The following SLC19A1 variants were observed in gnomAD, a reference collection of about 807,000 sequenced individuals.
SLC19A1 encodes the protein solute carrier family 19 member 1, also known as reduced folate transporter.
In SLC19A1, 37 loss-of-function variants were observed where a neutral mutation model predicts 35.3. That is an observed-to-expected ratio of 1.05 (90% CI 0.81 to 1.38). The LOEUF (loss-of-function observed/expected upper bound fraction) is 1.38, where lower values mean the gene tolerates loss of function less well. Ranked by LOEUF, SLC19A1 falls within the 40% of genes most tolerant of loss-of-function variation. The probability of loss-of-function intolerance (pLI) is 0.00; values close to 1 mark genes in which losing one functional copy is unlikely to be tolerated. For synonymous variants in SLC19A1, 460 were observed against 398.5 expected (o/e 1.15, Z -1.84); for missense variants, 831 against 826.9 (o/e 1.00, Z -0.06).
At chr21:45,560,538 T>TCCC (rs2078605795) in intron 1 of SLC19A1, among the ~76,000 whole-genome samples, 6 of 123,646 alleles carry the variant, frequency 4.9e-5, no homozygotes, top group African/African-American at 9.7e-5. Context: ...ACTGGCACCA[T>TCCC]GGTAGGAAGC....
chr21:45,541,424 C>T (rs1195150048), intron 1 of SLC19A1, among the ~76,000 whole-genome samples: 1 of 152,240 alleles, frequency 6.6e-6, no homozygotes, highest in African/African-American at 2.4e-5. Context: ...TACAGGGCGG[C>T]CAACAGGCGC....
In SLC19A1 at chr21:45,504,484, C is replaced by T. The variant is rs1235895404; in HGVS notation, c.498-5872G>A. 1.3e-5 allele frequency: 20 copies of T among 1,599,284 alleles called. No homozygotes were observed. The highest frequency in any genetic ancestry group is 1.0e-4 in the Admixed American group (6 of 58,660). On this transcript the variant is annotated intron_variant, in intron 3 of 4. Coordinates refer to the SLC19A1 transcript ENST00000417954. ...GGGGGGAGCCCGGGGGCGGCGGTTT[C>T]TTCGGCTCCAGCCTGCCCGGCCCCC... is the stretch of plus-strand genomic sequence containing the variant.
At chr21:45,543,414 T>C (rs2078370148), upstream of SLC19A1, among the ~76,000 whole-genome samples, 2 of 152,204 alleles carry the variant, frequency 1.3e-5, no homozygotes, top group Non-Finnish European at 2.9e-5. Flanking sequence ...ACGGCCACCG[T>C]GGTACCCACA....
At position 45,533,771 on chromosome 21, in the gene SLC19A1, G is replaced by A. The variant is rs772867090; in HGVS notation, c.190-1623C>T. ...GCAGGACCAAACCCTGGGTCAGCACGTGGGGTGCTGCGCCGAGCCACGCCG... is the reference window on the plus strand; with the variant it reads ...GCAGGACCAAACCCTGGGTCAGCACATGGGGTGCTGCGCCGAGCCACGCCG... On this transcript the variant is annotated intron_variant, in intron 2 of 5. Transcript: ENST00000311124. The surrounding 1 kb of genome is among the most constrained non-coding windows in gnomAD (Gnocchi z 4.5). Among the ~76,000 whole-genome samples, 9 of 152,232 alleles carry A rather than the reference G, an allele frequency of 5.9e-5. No homozygotes were observed. Among genetic ancestry groups the A allele is most frequent in the South Asian group, 2.1e-4 (1 of 4,828 alleles).
At chr21:45,511,172 C>T (rs552849724), downstream of SLC19A1, 65 of 1,601,788 alleles carry the variant, frequency 4.1e-5, 1 homozygote, top group East Asian at 1.2e-3. Flanking sequence ...CCGCTGAAGC[C>T]CGGGGCACGC....
rs370931823 is a variant in SLC19A1, at chr21:45,516,001, T to G, written c.1433A>C (p.Glu478Ala). The G allele has an allele frequency of 2.3e-5, 36 of 1,568,966 alleles. 1 individual carries two copies. The African/African-American group carries it at 4.8e-4, about 21-fold the overall frequency. The change falls in exon 6 of 6, where the codon GAG becomes GCG. Residue 478 changes from glutamate to alanine, a missense_variant. By Grantham distance (107) the Glu-to-Ala change is moderately radical. Transcript: ENST00000311124. ...CACGCTCAGTGCCTGTGCTGCCTTC[T>G]CCTCCGCGGCACTCCTCAGGCCCTG... is the stretch of plus-strand genomic sequence containing the variant. ...PAQGLRSAAEEKAAQALSVQD... is the reference protein window; with the variant it reads ...PAQGLRSAAEAKAAQALSVQD...
Position 45,530,983 on chromosome 21 carries a change from G to C in SLC19A1, c.950-12C>G. 2 of 1,441,992 alleles carry C rather than the reference G, an allele frequency of 1.4e-6. No individual in the cohort carries two copies. The highest frequency in any genetic ancestry group is 1.8e-6 in the Non-Finnish European group (2 of 1,101,464). 89.3% of individuals were successfully genotyped at this position (1,441,992 alleles called of 1,614,324 possible). A position where few individuals can be genotyped will look rare whatever the true frequency, so the allele number is the denominator to read the frequency against. On this transcript the variant is annotated splice_polypyrimidine_tract_variant and intron_variant, in intron 3 of 5. Transcript: ENST00000311124. The surrounding 1 kb of genome is among the most constrained non-coding windows in gnomAD (Gnocchi z 5.3). ...GGACGTGATGGCGCCTGAGAGGGGAGGGATGGGGCGTTGCAGCGGCCCTGG... is the reference window on the plus strand; with the variant it reads ...GGACGTGATGGCGCCTGAGAGGGGACGGATGGGGCGTTGCAGCGGCCCTGG...
chr21:45,529,589 C>G (rs969580608), intron 4 of SLC19A1, among the ~76,000 whole-genome samples: 30 of 144,596 alleles, frequency 2.1e-4, no homozygotes, highest in African/African-American at 7.3e-4. Context: ...GTGTGGGTGT[C>G]TCCATGTGTG....
At chr21:45,522,329 A>G (rs1185430512) in intron 5 of SLC19A1, among the ~76,000 whole-genome samples, 1 of 152,176 alleles carries the variant, frequency 6.6e-6, no homozygotes, top group Non-Finnish European at 1.5e-5. Context: ...CAAAATAAAA[A>G]CTAGTGGCAA....
chr21:45,543,421 C>A (rs1256904523), upstream of SLC19A1, among the ~76,000 whole-genome samples: 3 of 152,232 alleles, frequency 2.0e-5, no homozygotes, highest in African/African-American at 7.2e-5. Flanking sequence ...CCGTGGTACC[C>A]ACAGCTCAAG....
Position 45,514,745 on chromosome 21 carries a change from A to C in SLC19A1, c.*913T>G. 2.2e-6 allele frequency: 1 copy of C among 461,504 alleles called. No individual in the cohort carries two copies. The highest frequency in any genetic ancestry group is 3.8e-6 in the Non-Finnish European group (1 of 264,186). The allele number at this position is 461,504 out of a possible 1,614,324, so 28.6% of individuals were successfully genotyped here. A position where few individuals can be genotyped will look rare whatever the true frequency, so the allele number is the denominator to read the frequency against. On this transcript the variant is annotated 3_prime_UTR_variant, in exon 6 of 6. Coordinates refer to ENST00000311124, the MANE Select transcript of SLC19A1 (RefSeq NM_194255.4). ...TTAAGTGTGTTTAATGTATGTGGGA[A>C]GAGTATTCACATCACATCAGATGGT...
Position 45,530,977 on chromosome 21 carries a change from A to T in SLC19A1, c.950-6T>A. On this transcript the variant is annotated splice_polypyrimidine_tract_variant and splice_region_variant and intron_variant, in intron 3 of 5. Coordinates refer to ENST00000311124, the MANE Select transcript of SLC19A1 (RefSeq NM_194255.4). The surrounding 1 kb of genome is among the most constrained non-coding windows in gnomAD (Gnocchi z 5.3). ...GGCGAAGGACGTGATGGCGCCTGAG[A>T]GGGGAGGGATGGGGCGTTGCAGCGG... 5 of 1,051,348 alleles carry T rather than the reference A, an allele frequency of 4.8e-6. No homozygotes were observed. Among genetic ancestry groups the T allele is most frequent in the East Asian group, 8.4e-5 (1 of 11,960 alleles). 65.1% of individuals were successfully genotyped at this position (1,051,348 alleles called of 1,614,324 possible).
chr21:45,507,637 A>T, downstream of SLC19A1: 3 of 1,571,590 alleles, frequency 1.9e-6, no homozygotes, highest in Non-Finnish European at 2.6e-6. Context: ...TGGTCAGGAC[A>T]TGAGGGGGTA....
At chr21:45,561,752 C>T (rs570312116) in intron 1 of SLC19A1, among the ~76,000 whole-genome samples, 153 of 150,444 alleles carry the variant, frequency 1.0e-3, no homozygotes, top group African/African-American at 3.6e-3. Context: ...CACAGCGAGA[C>T]TCCATCTCAA....
At chr21:45,537,719 T>TGGGGGGGGCCCCC in intron 2 of SLC19A1, 52 bp downstream of exon 2, 2 of 319,776 alleles carry the variant, frequency 6.3e-6, no homozygotes, top group Non-Finnish European at 1.1e-5. Flanking sequence ...CAGACGCTGC[T>TGGGGGGGGCCCCC]CCCCGCCCAC....
At chr21:45,522,098 C>G (rs9979328) in intron 5 of SLC19A1, among the ~76,000 whole-genome samples, 1,593 of 152,050 alleles carry the variant, frequency 0.01, 22 homozygotes, top group African/African-American at 0.034. Context: ...GGACTAATAT[C>G]TGGAATACAC....
chr21:45,553,623 ATCCCCCC>A (rs2078489998), intron 1 of SLC19A1, among the ~76,000 whole-genome samples: 1 of 72,778 alleles, frequency 1.4e-5, no homozygotes, highest in Admixed American at 1.4e-4. Flanking sequence ...CTCACCCCCA[ATCCCCCC>A]GCGCCCCCCT....
chr21:45,556,830 T>C (rs189054907), intron 1 of SLC19A1, among the ~76,000 whole-genome samples: 1 of 151,914 alleles, frequency 6.6e-6, no homozygotes, highest in East Asian at 1.9e-4. Context: ...GGCATGGGAG[T>C]CCTGTGGCCG....
intron 1 of SLC19A1, among the ~76,000 whole-genome samples, chr21:45,541,175 T>G (rs1291324820): frequency 6.6e-6 from 1 of 152,116 alleles, no homozygotes; most frequent in Non-Finnish European, 1.5e-5. Flanking sequence ...CCAGCAGAGA[T>G]AACTGTACTA....
Sources: allele counts gnomAD v4.1 joint callset (sites outside exome capture counted in the v4.1 genomes callset), GRCh38; gene constraint gnomAD v4.1.1; non-coding constraint Gnocchi (gnomAD v3.1); transcripts MANE v1.5; gene names NCBI Gene and HGNC (gene_info 2026-07-23, HGNC 2026-07-21).